The following INPP4B variants were observed in gnomAD, a reference collection of about 807,000 sequenced individuals.
INPP4B encodes inositol polyphosphate-4-phosphatase type II B.
INPP4B carries 55 observed loss-of-function variants against 122.5 expected under a neutral mutation model. That is an observed-to-expected ratio of 0.45 (90% CI 0.36 to 0.56). INPP4B has a LOEUF of 0.56. INPP4B is among the 20% of genes least tolerant of loss of function. The pLI is 0.00. For missense variants in INPP4B, 1,000 were observed against 1,097.7 expected (o/e 0.91, Z 1.26); for synonymous variants, 403 against 388.7 (o/e 1.04, Z -0.43).
At position 142,035,727 on chromosome 4, in the gene INPP4B, T is replaced by G. The variant is rs904893753; in HGVS notation, c.2643-6813A>C. 3.9e-5 allele frequency among the ~76,000 whole-genome samples: 6 copies of G among 152,344 alleles called. No homozygotes were observed. The East Asian group carries it at 5.8e-4, about 15-fold the overall frequency. On this transcript the variant is annotated intron_variant, in intron 25 of 25. Coordinates refer to ENST00000262992, the MANE Select transcript of INPP4B (RefSeq NM_001101669.3). ...GAATTATACCAAATCAATCATGCTG[T>G]GGTCTGGTTGCAAAGAATAGTTGAA... is the stretch of plus-strand genomic sequence containing the variant.
chr4:142,029,009 A>AAAAT (rs1443488395), intron 25 of INPP4B, 95 bp from the exon 26 acceptor site: 4 of 1,475,180 alleles, frequency 2.7e-6, no homozygotes, highest in East Asian at 4.8e-5. Flanking sequence ...CATCCAAGTA[A>AAAAT]AAATAACAAA....
chr4:142,042,852 C>T (rs1010433597), intron 25 of INPP4B, among the ~76,000 whole-genome samples: 4 of 151,934 alleles, frequency 2.6e-5, no homozygotes, highest in African/African-American at 4.8e-5. Flanking sequence ...TGAGCCACCG[C>T]GCCCAGACGA....
chr4:142,427,509 T>C (rs1428494941), intron 5 of INPP4B: 1 of 651,006 alleles, frequency 1.5e-6, no homozygotes, highest in Non-Finnish European at 2.8e-6. Flanking sequence ...GTGTTGTTAC[T>C]GAAATTTACT....
chr4:142,173,097 T>C (rs905693806), intron 16 of INPP4B, among the ~76,000 whole-genome samples: 11 of 152,090 alleles, frequency 7.2e-5, no homozygotes, highest in Non-Finnish European at 1.6e-4. Flanking sequence ...GCTTAGATTA[T>C]ACTGCTTTTC....
chr4:142,122,546 C>A (rs1578984708), intron 20 of INPP4B, among the ~76,000 whole-genome samples: 1 of 152,164 alleles, frequency 6.6e-6, no homozygotes, highest in East Asian at 1.9e-4. Flanking sequence ...TTTCTACTGG[C>A]AGGACTGATA....
At chr4:142,570,689 T>C (rs546478802) in intron 2 of INPP4B, among the ~76,000 whole-genome samples, 32 of 152,074 alleles carry the variant, frequency 2.1e-4, no homozygotes, top group Admixed American at 2.1e-3. Flanking sequence ...ATTTTAACTG[T>C]TTTTTTCAAA....
chr4:142,662,318 C>G (rs577230130), intron 2 of INPP4B, among the ~76,000 whole-genome samples: 87 of 152,168 alleles, frequency 5.7e-4, no homozygotes, highest in African/African-American at 2.0e-3. Flanking sequence ...TTCTTGAAAA[C>G]TCTGCACAAT....
intron 23 of INPP4B, among the ~76,000 whole-genome samples, chr4:142,097,972 G>A (rs336303): frequency 0.89 from 134,962 of 152,096 alleles, 61,663 homozygotes; most frequent in Non-Finnish European, 0.99. Flanking sequence ...AATAATGTAA[G>A]TGACATATTG....
chr4:142,336,770 A>G (rs1776765644), intron 7 of INPP4B, among the ~76,000 whole-genome samples: 1 of 152,228 alleles, frequency 6.6e-6, no homozygotes, highest in African/African-American at 2.4e-5. Flanking sequence ...AGAGCTGAAC[A>G]AGGCCCCAGG....
intron 10 of INPP4B, among the ~76,000 whole-genome samples, chr4:142,265,090 C>A (rs1310511124): frequency 1.3e-5 from 2 of 152,114 alleles, no homozygotes; most frequent in African/African-American, 2.4e-5. Context: ...AAGTAAAAAG[C>A]CCTCACCAGG....
At chr4:142,242,429 G>A (rs1461999183) in intron 11 of INPP4B, among the ~76,000 whole-genome samples, 1 of 152,194 alleles carries the variant, frequency 6.6e-6, no homozygotes, top group Non-Finnish European at 1.5e-5. Context: ...TGCAGTTGGT[G>A]ACAATTGGTG....
intron 1 of INPP4B, among the ~76,000 whole-genome samples, chr4:142,837,227 T>C (rs796652050): frequency 1.3e-5 from 2 of 151,960 alleles, no homozygotes; most frequent in African/African-American, 2.4e-5. Flanking sequence ...AGGTTAAAGA[T>C]ATGAATTAGC....
chr4:142,495,633 G>A (rs932426780), intron 2 of INPP4B, among the ~76,000 whole-genome samples: 2 of 151,906 alleles, frequency 1.3e-5, no homozygotes, highest in African/African-American at 4.8e-5. Context: ...TTAAGAAAAA[G>A]GTGCCAGCAC....
At chr4:142,519,332 AAT>A (rs1045259531) in intron 2 of INPP4B, among the ~76,000 whole-genome samples, 4 of 152,162 alleles carry the variant, frequency 2.6e-5, no homozygotes. Context: ...AATCTTCATT[AAT>A]ATATATATGC....
At chr4:142,505,192 T>C (rs1195680302) in intron 2 of INPP4B, among the ~76,000 whole-genome samples, 2 of 151,416 alleles carry the variant, frequency 1.3e-5, no homozygotes, top group East Asian at 1.9e-4. Context: ...TGAGCCATGA[T>C]TGTGTCACTG....
At position 142,315,701 on chromosome 4, in the gene INPP4B, A is replaced by T. The variant is rs528017373; in HGVS notation, c.373-939T>A. 1.2e-4 allele frequency among the ~76,000 whole-genome samples: 18 copies of T among 151,296 alleles called. No individual in the cohort carries two copies. The South Asian group carries it at 3.8e-3, about 32-fold the overall frequency. ...GGGAACATAAGAAAAAACAAGAAACATATCTAGTATGTCTTAATTTGAAAT... is the reference window on the plus strand; with the variant it reads ...GGGAACATAAGAAAAAACAAGAAACTTATCTAGTATGTCTTAATTTGAAAT... On this transcript the variant is annotated intron_variant, in intron 7 of 25. Transcript: ENST00000262992.
At chr4:142,813,444 A>C (rs1779753469) in intron 1 of INPP4B, among the ~76,000 whole-genome samples, 1 of 152,184 alleles carries the variant, frequency 6.6e-6, no homozygotes, top group Admixed American at 6.6e-5. Context: ...CAGTTGGGTT[A>C]ATGCAGTAAA....
At chr4:142,029,451 A>G in intron 25 of INPP4B, 2 of 986,116 alleles carry the variant, frequency 2.0e-6, no homozygotes, top group Non-Finnish European at 1.2e-6. Flanking sequence ...ATAAAGGAAG[A>G]GTGCTTGTCC....
At chr4:142,464,527 T>G (rs935475888) in intron 2 of INPP4B, among the ~76,000 whole-genome samples, 1 of 151,998 alleles carries the variant, frequency 6.6e-6, no homozygotes, top group Non-Finnish European at 1.5e-5. Context: ...CTCATTTAAT[T>G]TGGGGAAAAA....
Sources: allele counts gnomAD v4.1 joint callset (sites outside exome capture counted in the v4.1 genomes callset), GRCh38; gene constraint gnomAD v4.1.1; transcripts MANE v1.5; gene names NCBI Gene and HGNC (gene_info 2026-07-23, HGNC 2026-07-21).